ANO3: variants seen among roughly 807,000 people sequenced by gnomAD.
The protein encoded by ANO3 is anoctamin-3.
In ANO3, 99 loss-of-function variants were observed where a neutral mutation model predicts 144.8. The ratio of observed to expected loss-of-function variants is 0.68; its 90% confidence interval spans 0.58 to 0.81. ANO3 has a LOEUF of 0.81. Among genes scored for constraint, ANO3 ranks in the 30% least tolerant of loss-of-function variants. ANO3 has a pLI of 0.00. For synonymous variants in ANO3, 414 were observed against 392.6 expected (o/e 1.05, Z -0.64); for missense variants, 905 against 1,202.2 (o/e 0.75, Z 3.66).
intron 4 of ANO3, among the ~76,000 whole-genome samples, chr11:26,500,601 T>G (rs548755380): frequency 1.4e-4 from 22 of 152,292 alleles, no homozygotes; most frequent in Admixed American, 9.8e-4. Flanking sequence ...ATATTTTCTT[T>G]GGAGAAATAT....
chr11:26,613,404 T>A (rs1852157387), intron 17 of ANO3, among the ~76,000 whole-genome samples: 1 of 152,312 alleles, frequency 6.6e-6, no homozygotes, highest in South Asian at 2.1e-4. Context: ...TCGGATTTCA[T>A]TGAATCATTT....
chr11:26,428,621 C>A (rs1217190121), intron 1 of ANO3, among the ~76,000 whole-genome samples: 5 of 152,068 alleles, frequency 3.3e-5, no homozygotes, highest in East Asian at 1.9e-4. Flanking sequence ...GATATTGCAA[C>A]CTTAAGCCCT....
intron 1 of ANO3, among the ~76,000 whole-genome samples, chr11:26,367,634 T>C (rs1471153030): frequency 6.6e-6 from 1 of 152,200 alleles, no homozygotes; most frequent in Non-Finnish European, 1.5e-5. Context: ...TGTCAGGTTG[T>C]TCCTGTATTT....
chr11:26,239,481 T>C (rs1453926581), intron 1 of ANO3, among the ~76,000 whole-genome samples: 2 of 152,170 alleles, frequency 1.3e-5, no homozygotes, highest in African/African-American at 4.8e-5. Context: ...CCAGGAAGTC[T>C]CTTTCCCTAG....
In ANO3 at chr11:26,634,220, A is replaced by G. The variant is rs1398112998; in HGVS notation, c.1890A>G (p.Glu630=). 1 of 1,613,578 alleles carries G rather than the reference A, an allele frequency of 6.2e-7. No individual in the cohort carries two copies. ...TCCTTTTAGAATATCCTCGAACAGA[A>G]TCAGAGTGGGAAAACAGCTTCGCCC... ...LLTNLEYPRT[E]SEWENSFALK... is the part of the protein sequence containing the mutation. The change falls in exon 19 of 27, where the codon GAA becomes GAG. Residue 630 remains glutamate, a synonymous_variant. Transcript: ENST00000256737.
chr11:26,596,882 C>T (rs910565891), intron 14 of ANO3, among the ~76,000 whole-genome samples: 4 of 152,148 alleles, frequency 2.6e-5, no homozygotes, highest in Admixed American at 1.3e-4. Flanking sequence ...TGCCTCTAGC[C>T]GACCCTCGGC....
chr11:26,548,721 G>A (rs383158), intron 12 of ANO3, among the ~76,000 whole-genome samples: 108,099 of 151,792 alleles, frequency 0.71, 38,798 homozygotes, highest in East Asian at 0.84. Flanking sequence ...CCAAAAGATA[G>A]ATAGCATGAA....
intron 24 of ANO3, among the ~76,000 whole-genome samples, chr11:26,650,090 A>T (rs756063472): frequency 7.9e-5 from 12 of 151,984 alleles, no homozygotes; most frequent in Non-Finnish European, 1.0e-4. Flanking sequence ...AGGAATATAG[A>T]CTAATTTCAA....
chr11:26,468,934 A>G (rs1380750847), intron 4 of ANO3, among the ~76,000 whole-genome samples: 1 of 152,000 alleles, frequency 6.6e-6, no homozygotes, highest in Non-Finnish European at 1.5e-5. Context: ...GGTATCCTAA[A>G]TATTTAATTT....
At chr11:26,395,145 C>T (rs894975286) in intron 1 of ANO3, among the ~76,000 whole-genome samples, 9 of 152,030 alleles carry the variant, frequency 5.9e-5, no homozygotes, top group South Asian at 2.1e-4. Context: ...TATCTGTTTT[C>T]GTACCAGTAC....
At chr11:26,624,841 A>G (rs1343386194) in intron 18 of ANO3, among the ~76,000 whole-genome samples, 2 of 152,146 alleles carry the variant, frequency 1.3e-5, no homozygotes, top group Admixed American at 6.5e-5. Context: ...CCAAAACAAT[A>G]TTAAGAGATT....
At chr11:26,245,980 A>G (rs1044612443) in intron 1 of ANO3, among the ~76,000 whole-genome samples, 1 of 152,218 alleles carries the variant, frequency 6.6e-6, no homozygotes, top group Non-Finnish European at 1.5e-5. Context: ...GAAAACTCCA[A>G]TAAGGAAGGA....
intron 14 of ANO3, among the ~76,000 whole-genome samples, chr11:26,588,677 A>G (rs943514862): frequency 4.6e-5 from 7 of 152,248 alleles, no homozygotes; most frequent in African/African-American, 7.2e-5. Flanking sequence ...ACAGAGACCA[A>G]TGATAATTAG....
chr11:26,228,783 C>T (rs1399748279), intron 1 of ANO3, among the ~76,000 whole-genome samples: 2 of 152,174 alleles, frequency 1.3e-5, no homozygotes, highest in Non-Finnish European at 2.9e-5. Context: ...AGTACTGGCT[C>T]TCTGCAGCTG....
intron 1 of ANO3, among the ~76,000 whole-genome samples, chr11:26,424,568 C>T (rs923859517): frequency 2.0e-5 from 3 of 152,054 alleles, no homozygotes; most frequent in Non-Finnish European, 4.4e-5. Flanking sequence ...TGTACCTCCC[C>T]TTGTTCCCCC....
chr11:26,594,593 C>T (rs111450710), intron 14 of ANO3, among the ~76,000 whole-genome samples: 10 of 151,982 alleles, frequency 6.6e-5, no homozygotes, highest in African/African-American at 1.7e-4. Context: ...TTGGAGGGGG[C>T]GTAATCGGGT....
Position 26,599,627 on chromosome 11 carries a change from G to C in ANO3, c.1749G>C (p.Lys583Asn). Residue 583 changes from lysine (K) to asparagine (N), a missense_variant, in exon 17 of 27, where the codon AAG becomes AAC. By Grantham distance (94) the Lys-to-Asn change is moderately conservative. This residue lies in a region of ANO3 where 597 missense variants were observed against 865.1 expected (regional missense o/e 0.69). Transcript: ENST00000256737. ...TCATGGAACAGTTTGCATCATTCAA[G>C]TGGAATTTCATCAAACAATACTGGC... is the stretch of plus-strand genomic sequence containing the variant. ...LVVMEQFASF[K>N]WNFIKQYWQF... 6.8e-6 allele frequency: 11 copies of C among 1,614,146 alleles called. No individual in the cohort carries two copies. The highest frequency in any genetic ancestry group is 9.3e-6 in the Non-Finnish European group (11 of 1,180,012).
At chr11:26,426,602 G>T (rs910525609) in intron 1 of ANO3, among the ~76,000 whole-genome samples, 1 of 152,092 alleles carries the variant, frequency 6.6e-6, no homozygotes. Context: ...AGTATGGTTT[G>T]CCCATACTTC....
chr11:26,332,130 G>C lies in ANO3; in HGVS notation c.-146G>C. ...AACGACACCGGCGGGCGCGTAGCCT[G>C]GAGAGCGAAGTGCCGGCTACAGCAG... On this transcript the variant is annotated 5_prime_UTR_variant, in exon 1 of 27. Coordinates refer to ENST00000256737, the MANE Select transcript of ANO3 (RefSeq NM_031418.4). 1 of 1,512,796 alleles carries C rather than the reference G, an allele frequency of 6.6e-7. No homozygotes were observed. The highest frequency in any genetic ancestry group is 8.8e-7 in the Non-Finnish European group (1 of 1,132,360). 93.7% of individuals were successfully genotyped at this position (1,512,796 alleles called of 1,614,324 possible). A position where few individuals can be genotyped will look rare whatever the true frequency, so the allele number is the denominator to read the frequency against.
Sources: allele counts gnomAD v4.1 joint callset (sites outside exome capture counted in the v4.1 genomes callset), GRCh38; gene constraint gnomAD v4.1.1; regional missense constraint gnomAD v4.1.1; transcripts MANE v1.5; gene names NCBI Gene and HGNC (gene_info 2026-07-23, HGNC 2026-07-21).